The following ANK3 variants were observed in gnomAD, a reference collection of about 807,000 sequenced individuals.
ANK3 encodes the protein ankyrin-3.
In ANK3, 57 loss-of-function variants were observed where a neutral mutation model predicts 370.9. The ratio of observed to expected loss-of-function variants is 0.15; its 90% CI spans 0.12 to 0.19. The LOEUF is 0.19. ANK3 is among the 10% of genes least tolerant of loss of function. The probability of loss-of-function intolerance (pLI) is 1.00; values close to 1 mark genes in which losing one functional copy is unlikely to be tolerated. For missense variants in ANK3, 4,439 were observed against 5,302.1 expected, an observed-to-expected ratio of 0.84 and a Z score of 5.06; for synonymous variants, 1,929 against 1,946.3, an observed-to-expected ratio of 0.99 and a Z score of 0.23.
chr10:60,035,483 C>T (rs2074738299), intron 43 of ANK3, among the ~76,000 whole-genome samples: 1 of 151,700 alleles, frequency 6.6e-6, no homozygotes, highest in African/African-American at 2.4e-5. Flanking sequence ...TAACTTCTGA[C>T]CTCAGGTGAT....
At chr10:60,259,708 C>T (rs2097778386) in intron 7 of ANK3, among the ~76,000 whole-genome samples, 1 of 152,154 alleles carries the variant, frequency 6.6e-6, no homozygotes, top group Non-Finnish European at 1.5e-5. Flanking sequence ...CAGAAAATTT[C>T]TGAACAAAGG....
At chr10:60,292,362 G>GA (rs36007469) in intron 1 of ANK3, among the ~76,000 whole-genome samples, 141 of 140,656 alleles carry the variant, frequency 1.0e-3, no homozygotes, top group African/African-American at 1.6e-3. Context: ...TCTTGCTCTG[G>GA]AAAAAAAAAA....
At chr10:60,695,720 C>T (rs1185791468) in intron 1 of ANK3, among the ~76,000 whole-genome samples, 1 of 152,140 alleles carries the variant, frequency 6.6e-6, no homozygotes, top group East Asian at 1.9e-4. Context: ...AAAGACACAA[C>T]ATACCAGAAT....
intron 28 of ANK3, among the ~76,000 whole-genome samples, chr10:60,094,720 G>T (rs1199465852): frequency 1.1e-5 from 1 of 92,846 alleles, no homozygotes; most frequent in Non-Finnish European, 2.1e-5. Context: ...AAATGACATA[G>T]ATAGTAGGTA....
Position 60,261,864 on chromosome 10 carries a change from C to A in ANK3, c.793G>T (p.Ala265Ser). Residue 265 changes from alanine (A) to serine (S), a missense_variant, in exon 7 of 44, where the codon GCA becomes TCA. Transcript: ENST00000280772. ...LNRAAAVDFT[A>S]RNDITPLHVA... ...ACACATTGCTGTGCTCTTACCCTTG[C>A]GGTGAAATCCACAGCAGCCGCTCGG... 6.2e-7 allele frequency: 1 copy of A among 1,613,284 alleles called. No individual in the cohort carries two copies. Among genetic ancestry groups the A allele is most frequent in the Non-Finnish European group, 8.5e-7 (1 of 1,179,292 alleles).
At chr10:60,149,591 AAT>A (rs1038747282) in intron 23 of ANK3, among the ~76,000 whole-genome samples, 1 of 152,218 alleles carries the variant, frequency 6.6e-6, no homozygotes, top group Admixed American at 6.5e-5. Context: ...GGAGGAAAAA[AAT>A]ATACTCGCTG....
chr10:60,543,034 T>C (rs1264123822), intron 2 of ANK3, among the ~76,000 whole-genome samples: 1 of 151,986 alleles, frequency 6.6e-6, no homozygotes, highest in Non-Finnish European at 1.5e-5. Flanking sequence ...ATATTTTAAA[T>C]AGTCCTTAAG....
chr10:60,044,027 C>G, intron 42 of ANK3: 1 of 985,766 alleles, frequency 1.0e-6, no homozygotes. Flanking sequence ...AGGGAGTGCA[C>G]AAAGCTTTTG....
At chr10:60,053,035 T>C (rs1041647805) in intron 42 of ANK3, among the ~76,000 whole-genome samples, 1 of 152,154 alleles carries the variant, frequency 6.6e-6, no homozygotes, top group Non-Finnish European at 1.5e-5. Context: ...CTGAATAATA[T>C]GGTTTTAAAA....
chr10:60,105,649 T>G (rs932373104), intron 28 of ANK3, among the ~76,000 whole-genome samples: 5 of 152,222 alleles, frequency 3.3e-5, no homozygotes, highest in African/African-American at 1.2e-4. Context: ...CTTTCTTTGG[T>G]ATTGGAAAGA....
intron 2 of ANK3, among the ~76,000 whole-genome samples, chr10:60,534,951 C>T (rs1245597783): frequency 6.6e-6 from 1 of 152,126 alleles, no homozygotes; most frequent in East Asian, 1.9e-4. Flanking sequence ...GTCAATCAGC[C>T]TCCACTGTTA....
chr10:60,199,508 G>C (rs566750687), intron 13 of ANK3, among the ~76,000 whole-genome samples: 37 of 152,308 alleles, frequency 2.4e-4, no homozygotes, highest in African/African-American at 7.5e-4. Flanking sequence ...CTTGAAACTA[G>C]AGACTGCAGA....
At position 60,075,878 on chromosome 10, in the gene ANK3, G is replaced by A. The variant is rs751376308; in HGVS notation, c.5003C>T (p.Ala1668Val). 4.3e-6 allele frequency: 7 copies of A among 1,614,130 alleles called. No homozygotes were observed. In the African/African-American group the frequency reaches 5.3e-5, roughly 12 times the overall value. ...LPFKSIITSA[A>V]PLISSPLKSV... is the part of the protein sequence containing the mutation. The stretch of plus-strand genomic sequence containing the variant: ...CTTTAAAGGTGAAGATATTAGCGGT[G>A]CTGCTGATGTAATAATTGACTTAAA... The change falls in exon 37 of 44, where the codon GCA (alanine) becomes GTA (valine). Residue 1668 changes from alanine to valine, a missense_variant. Transcript: ENST00000280772.
intron 2 of ANK3, among the ~76,000 whole-genome samples, chr10:60,584,122 T>G (rs1236459406): frequency 6.6e-6 from 1 of 152,192 alleles, no homozygotes; most frequent in East Asian, 1.9e-4. Context: ...CAACTCCCTC[T>G]ACCTCCACTT....
chr10:60,690,706 C>A (rs1222763877), intron 1 of ANK3, among the ~76,000 whole-genome samples: 2 of 152,074 alleles, frequency 1.3e-5, no homozygotes, highest in Non-Finnish European at 2.9e-5. Flanking sequence ...GTAAAAATAA[C>A]CAAAAAATAG....
At chr10:60,406,253 C>T (rs1184329774) in intron 2 of ANK3, among the ~76,000 whole-genome samples, 1 of 152,118 alleles carries the variant, frequency 6.6e-6, no homozygotes, top group Non-Finnish European at 1.5e-5. Flanking sequence ...GGCTGCATTC[C>T]AATAAAACTT....
intron 25 of ANK3, among the ~76,000 whole-genome samples, chr10:60,118,580 C>T (rs1273846876): frequency 1.3e-5 from 2 of 152,136 alleles, no homozygotes; most frequent in Non-Finnish European, 1.5e-5. Flanking sequence ...ACAACTTATA[C>T]TGACTTTTGG....
At chr10:60,169,541 TC>T (rs1464056380) in intron 21 of ANK3, among the ~76,000 whole-genome samples, 5 of 152,236 alleles carry the variant, frequency 3.3e-5, no homozygotes, top group East Asian at 3.9e-4. Flanking sequence ...GTCAGGTTTC[TC>T]CATTGTAAAG....
At chr10:60,507,382 G>GT (rs2075968900) in intron 2 of ANK3, 1 of 151,876 alleles carries the variant, frequency 6.6e-6, no homozygotes. Flanking sequence ...TAGAATACTC[G>GT]TAACATTGAG....
Sources: gnomAD v4.1 joint callset for allele counts (sites outside exome capture counted in the v4.1 genomes callset) on GRCh38, gnomAD v4.1.1 for gene constraint, MANE v1.5 for transcripts, NCBI Gene and HGNC (gene_info 2026-07-23, HGNC 2026-07-21) for gene names.